Variants in QTMAN observed in about 807,000 individuals in gnomAD.
QTMAN encodes queuosine-tRNA mannosyltransferase.
the QTMAN span, among the ~76,000 whole-genome samples, chr2:144,063,825 T>C: frequency 2.0e-5 from 3 of 152,162 alleles, no homozygotes; most frequent in African/African-American, 7.2e-5. Flanking sequence ...TCAAGTGCCA[T>C]GAAAATTAGC....
the QTMAN span, among the ~76,000 whole-genome samples, chr2:144,330,574 T>C: frequency 1.3e-5 from 2 of 152,234 alleles, no homozygotes; most frequent in African/African-American, 4.8e-5. Context: ...CACTGGAAAG[T>C]AATGTTTAAA....
At chr2:144,228,091 G>A in the QTMAN span, among the ~76,000 whole-genome samples, 2 of 152,134 alleles carry the variant, frequency 1.3e-5, no homozygotes, top group Non-Finnish European at 2.9e-5. Flanking sequence ...GCTAAGGATG[G>A]TGGGGAAGCA....
chr2:144,263,158 C>T, the QTMAN span, among the ~76,000 whole-genome samples: 1 of 151,696 alleles, frequency 6.6e-6, no homozygotes, highest in Non-Finnish European at 1.5e-5. Context: ...GCTCCCTTCC[C>T]TATGTCCCTC....
chr2:144,332,666 G>A, the QTMAN span: 2 of 151,856 alleles, frequency 1.3e-5, no homozygotes, highest in East Asian at 2.0e-4. Context: ...CTGGCGCGAG[G>A]TCCCTGAGTC....
the QTMAN span, among the ~76,000 whole-genome samples, chr2:144,105,418 T>C: frequency 1.3e-5 from 2 of 152,188 alleles, no homozygotes; most frequent in African/African-American, 2.4e-5. Context: ...AATGACCTGA[T>C]GCAGCTAAAA....
At chr2:144,230,982 T>C in the QTMAN span, among the ~76,000 whole-genome samples, 14 of 152,252 alleles carry the variant, frequency 9.2e-5, no homozygotes, top group African/African-American at 2.6e-4. Flanking sequence ...TATGGTACTA[T>C]AGATAAAAAG....
At chr2:144,131,086 C>G in the QTMAN span, among the ~76,000 whole-genome samples, 1 of 151,788 alleles carries the variant, frequency 6.6e-6, no homozygotes, top group Non-Finnish European at 1.5e-5. Context: ...ATAATTTGAG[C>G]AGTATCAAGT....
the QTMAN span, among the ~76,000 whole-genome samples, chr2:144,226,149 G>T: frequency 6.6e-6 from 1 of 152,092 alleles, no homozygotes; most frequent in East Asian, 1.9e-4. Flanking sequence ...CAATATCATT[G>T]AATAGAAAGA....
At chr2:144,004,507 C>G in the QTMAN span, among the ~76,000 whole-genome samples, 4 of 151,906 alleles carry the variant, frequency 2.6e-5, no homozygotes, top group African/African-American at 9.7e-5. Context: ...AAAGCATCTA[C>G]CACTAAAGGG....
chr2:144,309,266 A>G, the QTMAN span, among the ~76,000 whole-genome samples: 1 of 152,238 alleles, frequency 6.6e-6, no homozygotes, highest in Middle Eastern at 3.2e-3. Flanking sequence ...ACTATTGAGT[A>G]ATCAACCCAG....
the QTMAN span, among the ~76,000 whole-genome samples, chr2:144,086,344 G>A: frequency 2.0e-5 from 3 of 152,172 alleles, no homozygotes; most frequent in East Asian, 1.9e-4. Flanking sequence ...ATAGGGTCTC[G>A]CTGTGTTACT....
chr2:144,189,678 G>A, the QTMAN span, among the ~76,000 whole-genome samples: 9 of 151,948 alleles, frequency 5.9e-5, no homozygotes, highest in African/African-American at 7.3e-5. Flanking sequence ...GGAGTCCAGC[G>A]GTGCGATCTC....
the QTMAN span, among the ~76,000 whole-genome samples, chr2:144,240,170 G>T: frequency 2.6e-5 from 4 of 152,192 alleles, no homozygotes; most frequent in African/African-American, 4.8e-5. Context: ...ACATCAGTCA[G>T]AAGTTTTAAT....
chr2:144,220,751 TAACA>T, the QTMAN span, among the ~76,000 whole-genome samples: 23 of 152,338 alleles, frequency 1.5e-4, no homozygotes, highest in African/African-American at 5.5e-4. Context: ...CATTCACAGT[TAACA>T]AACAGCCTGA....
At chr2:144,051,709 G>A in the QTMAN span, among the ~76,000 whole-genome samples, 1 of 152,168 alleles carries the variant, frequency 6.6e-6, no homozygotes, top group Non-Finnish European at 1.5e-5. Context: ...GAGAGAAAAT[G>A]CTTCATGAAG....
chr2:144,087,407 C>T, the QTMAN span, among the ~76,000 whole-genome samples: 1 of 151,980 alleles, frequency 6.6e-6, no homozygotes, highest in African/African-American at 2.4e-5. Flanking sequence ...CAATTCTATA[C>T]AAACTCTTCC....
chr2:144,001,948 A>G, the QTMAN span, among the ~76,000 whole-genome samples: 1 of 151,928 alleles, frequency 6.6e-6, no homozygotes, highest in Non-Finnish European at 1.5e-5. Flanking sequence ...AGTAGTTTTC[A>G]AAGAGTAGTC....
the QTMAN span, among the ~76,000 whole-genome samples, chr2:144,133,207 A>G: frequency 2.6e-5 from 2 of 76,908 alleles, no homozygotes; most frequent in Non-Finnish European, 4.3e-5. Context: ...ATATATATTT[A>G]TATATACATA....
chr2:144,180,425 A>G, the QTMAN span, among the ~76,000 whole-genome samples: 2 of 152,122 alleles, frequency 1.3e-5, no homozygotes, highest in African/African-American at 4.8e-5. Flanking sequence ...TTTCTCCTTT[A>G]AAAAATGCTT....
Sources: gnomAD v4.1 joint callset for allele counts (sites outside exome capture counted in the v4.1 genomes callset) on GRCh38, gnomAD v4.1.1 for gene constraint, MANE v1.5 for transcripts, NCBI Gene and HGNC (gene_info 2026-07-23, HGNC 2026-07-21) for gene names.